Variants in RARB observed in about 807,000 individuals in gnomAD.
RARB encodes the protein HBV-activated protein.
Under a neutral mutation model 51.9 loss-of-function variants are expected in RARB, and 17 were observed. That is an observed-to-expected ratio of 0.33 (90% confidence interval 0.22 to 0.49). The LOEUF (loss-of-function observed/expected upper bound fraction) is 0.49. Ranked by LOEUF, RARB falls within the 20% of genes least tolerant of loss-of-function variation. The pLI is 0.99. For synonymous variants in RARB, 215 were observed against 195.4 expected, an observed-to-expected ratio of 1.10 and a Z score of -0.84; for missense variants, 369 against 550.8, an observed-to-expected ratio of 0.67 and a Z score of 3.30.
rs369976231 is a variant in RARB at position 25,373,416 on chromosome 3, G to A, written c.179-87777G>A. ...TGAGGAGGGTCCAGAAAAGCAGTGA[G>A]GAACATGAGAATGCACGTGCAGACC... is the stretch of plus-strand genomic sequence containing the variant. On this transcript the variant is annotated intron_variant, in intron 5 of 11. Coordinates refer to the RARB transcript ENST00000383772. Among the ~76,000 whole-genome samples the A allele has an allele frequency of 8.8e-4, 134 of 152,236 alleles. 8 individuals carry two copies. In the South Asian group the frequency reaches 0.027, roughly 30 times the overall value.
intron 2 of RARB, among the ~76,000 whole-genome samples, chr3:24,979,602 T>G (rs946047929): frequency 1.3e-5 from 2 of 151,490 alleles, no homozygotes; most frequent in Non-Finnish European, 3.0e-5. Flanking sequence ...TGTTTTTTGT[T>G]TTTTTTTGCT....
In RARB at chr3:25,110,297, C is replaced by T. The variant is rs563169246; in HGVS notation, c.-327-21864C>T. The stretch of plus-strand genomic sequence containing the variant: ...TAATAATGTAAAACGAACATGTTTA[C>T]AGCATTCTGTACTTTTCTAAGGGCA... On this transcript the variant is annotated intron_variant, in intron 3 of 11. Coordinates refer to the RARB transcript ENST00000383772. Among the ~76,000 whole-genome samples, 20 of 152,248 alleles carry T rather than the reference C, an allele frequency of 1.3e-4. No homozygotes were observed. In the South Asian group the frequency reaches 3.9e-3, roughly 30 times the overall value.
chr3:25,106,453 T>G (rs28367043), intron 3 of RARB, among the ~76,000 whole-genome samples: 1 of 87,360 alleles, frequency 1.1e-5, no homozygotes, highest in African/African-American at 4.4e-5. Context: ...TGTTTTTTGT[T>G]TTTTGTTTTT....
At chr3:25,260,155 A>G (rs1702961647) in intron 5 of RARB, among the ~76,000 whole-genome samples, 1 of 152,146 alleles carries the variant, frequency 6.6e-6, no homozygotes, top group African/African-American at 2.4e-5. Context: ...CCCGGTGGGC[A>G]GTGTTCCCTG....
At chr3:25,034,457 C>T (rs1697940385) in intron 2 of RARB, among the ~76,000 whole-genome samples, 1 of 152,118 alleles carries the variant, frequency 6.6e-6, no homozygotes, top group Non-Finnish European at 1.5e-5. Context: ...AAGGCTTGAA[C>T]GAGTGGATAG....
At chr3:25,289,520 T>C (rs911942089) in intron 5 of RARB, among the ~76,000 whole-genome samples, 2 of 152,230 alleles carry the variant, frequency 1.3e-5, no homozygotes, top group East Asian at 3.8e-4. Flanking sequence ...CTCAACAAAA[T>C]GGCATGCCAT....
chr3:25,015,227 A>G (rs1460869232), intron 2 of RARB, among the ~76,000 whole-genome samples: 2 of 152,178 alleles, frequency 1.3e-5, no homozygotes, highest in Admixed American at 1.3e-4. Flanking sequence ...ACCATATTAT[A>G]TAAGATCAAA....
intron 5 of RARB, among the ~76,000 whole-genome samples, chr3:25,234,513 A>C (rs1195479808): frequency 6.6e-6 from 1 of 151,846 alleles, no homozygotes; most frequent in Non-Finnish European, 1.5e-5. Flanking sequence ...ATTTTATTCT[A>C]TTCTATTCTT....
At chr3:25,333,258 G>C (rs1242833659) in intron 5 of RARB, among the ~76,000 whole-genome samples, 1 of 152,012 alleles carries the variant, frequency 6.6e-6, no homozygotes, top group Non-Finnish European at 1.5e-5. Flanking sequence ...GAGGCATCAC[G>C]CTACCTGACT....
intron 2 of RARB, among the ~76,000 whole-genome samples, chr3:25,475,295 T>C (rs1695892736): frequency 6.6e-6 from 1 of 152,144 alleles, no homozygotes; most frequent in South Asian, 2.1e-4. Context: ...CTACGTACAC[T>C]ATCAGAAATA....
intron 2 of RARB, 42 bp from the exon 3 acceptor site, chr3:25,501,140 A>G (rs377442119): frequency 3.6e-5 from 55 of 1,541,608 alleles, no homozygotes; most frequent in Middle Eastern, 1.7e-4. Flanking sequence ...GATGAAGCTC[A>G]TTTGCTTTAC....
At chr3:25,264,156 C>T (rs1703072390) in intron 5 of RARB, among the ~76,000 whole-genome samples, 1 of 151,422 alleles carries the variant, frequency 6.6e-6, no homozygotes, top group African/African-American at 2.4e-5. Flanking sequence ...TCACAAACAA[C>T]TTTGTTTAGA....
intron 2 of RARB, among the ~76,000 whole-genome samples, chr3:24,981,188 T>C (rs1222159829): frequency 6.6e-6 from 1 of 152,166 alleles, no homozygotes; most frequent in African/African-American, 2.4e-5. Flanking sequence ...CGTCAGCCCC[T>C]CCTGGGAGAT....
chr3:25,246,772 T>C (rs1374050584), intron 5 of RARB, among the ~76,000 whole-genome samples: 2 of 152,132 alleles, frequency 1.3e-5, no homozygotes, highest in Non-Finnish European at 2.9e-5. Context: ...TGCTGGGAAG[T>C]GTCTCCCCAT....
At chr3:25,202,908 TTTGTTGATTTGGGGTGGAGA>T (rs1158077539) in intron 5 of RARB, among the ~76,000 whole-genome samples, 7 of 152,176 alleles carry the variant, frequency 4.6e-5, no homozygotes, top group Non-Finnish European at 1.0e-4. Context: ...GAATGTATAT[TTTGTTGATTTGGGGTGGAGA>T]GTTCTGTAGA....
intron 5 of RARB, among the ~76,000 whole-genome samples, chr3:25,332,498 A>G (rs1482613480): frequency 6.6e-6 from 1 of 152,238 alleles, no homozygotes; most frequent in African/African-American, 2.4e-5. Context: ...AAAACTCTCA[A>G]TAAACTAGGT....
At chr3:25,046,127 T>A (rs1240017441) in intron 2 of RARB, among the ~76,000 whole-genome samples, 1 of 152,102 alleles carries the variant, frequency 6.6e-6, no homozygotes, top group Non-Finnish European at 1.5e-5. Context: ...TGGGGTTGAA[T>A]GGGAAATTAG....
At chr3:24,876,859 G>A (rs1266100182) in intron 2 of RARB, among the ~76,000 whole-genome samples, 2 of 152,110 alleles carry the variant, frequency 1.3e-5, no homozygotes, top group African/African-American at 4.8e-5. Flanking sequence ...ATTTACTATT[G>A]ATGGATGCAA....
intron 5 of RARB, among the ~76,000 whole-genome samples, chr3:25,391,237 T>A (rs1706946168): frequency 6.6e-6 from 1 of 152,196 alleles, no homozygotes; most frequent in Non-Finnish European, 1.5e-5. Flanking sequence ...CATTCCTTTT[T>A]TATGGCTGAG....
Sources: gnomAD v4.1 joint callset for allele counts (sites outside exome capture counted in the v4.1 genomes callset) on GRCh38, gnomAD v4.1.1 for gene constraint, MANE v1.5 for transcripts, NCBI Gene and HGNC (gene_info 2026-07-23, HGNC 2026-07-21) for gene names.